CERS6: variants seen among roughly 807,000 people sequenced by gnomAD.
The protein encoded by CERS6 is LAG1 homolog, ceramide synthase 6.
CERS6 carries 26 observed loss-of-function variants against 56.8 expected under a neutral mutation model. The observed-to-expected ratio is 0.46, with a 90% confidence interval of 0.34 to 0.63. CERS6 has a LOEUF of 0.63. CERS6 is among the 30% of genes least tolerant of loss of function. CERS6 has a pLI of 0.01. For missense variants in CERS6, 415 were observed against 467.5 expected, an observed-to-expected ratio of 0.89 and a Z score of 1.04; for synonymous variants, 164 against 173.3, an observed-to-expected ratio of 0.95 and a Z score of 0.42.
intron 3 of CERS6, among the ~76,000 whole-genome samples, chr2:168,598,662 A>G (rs564363969): frequency 7.2e-4 from 109 of 152,200 alleles, no homozygotes; most frequent in Non-Finnish European, 1.1e-3. Flanking sequence ...TTCCCCAACC[A>G]GTACAGAAAG....
intron 1 of CERS6, among the ~76,000 whole-genome samples, chr2:168,463,692 G>C (rs1693818155): frequency 6.6e-6 from 1 of 152,144 alleles, no homozygotes. Flanking sequence ...TGGATTGCTT[G>C]AGCCCAGGAA....
intron 1 of CERS6, among the ~76,000 whole-genome samples, chr2:168,503,747 G>C (rs191312703): frequency 1.1e-4 from 16 of 152,272 alleles, no homozygotes; most frequent in African/African-American, 3.9e-4. Flanking sequence ...TCCTAGAGTG[G>C]GAGGTGAGGT....
In CERS6 at chr2:168,735,895, A is replaced by AAAG. The variant is rs1553514691; in HGVS notation, c.845+17919_845+17920insGAA. Among the ~76,000 whole-genome samples, 465 of 151,008 alleles carry AAAG rather than the reference A, an allele frequency of 3.1e-3. 2 individuals carry two copies. The highest frequency in any genetic ancestry group is 6.2e-3 in the African/African-American group (253 of 41,086). ...GACCCTGTCTCAAAAAAAAAAAAAA[A>AAAG]AAAGAAAGAAAGAAATATTTTTCTA... is the stretch of plus-strand genomic sequence containing the variant. On this transcript the variant is annotated intron_variant, in intron 8 of 9. Coordinates refer to ENST00000305747, the MANE Select transcript of CERS6 (RefSeq NM_203463.3).
intron 3 of CERS6, among the ~76,000 whole-genome samples, chr2:168,622,999 A>T (rs1344181845): frequency 1.3e-5 from 2 of 152,154 alleles, no homozygotes; most frequent in African/African-American, 2.4e-5. Context: ...GACATATGGG[A>T]TGTTTTTGAA....
intron 2 of CERS6, among the ~76,000 whole-genome samples, 199 bp downstream of exon 2, chr2:168,547,900 A>G (rs1410242084): frequency 6.6e-6 from 1 of 152,236 alleles, no homozygotes; most frequent in Non-Finnish European, 1.5e-5. Context: ...GTTTACGCTC[A>G]AGTTGATTTT....
At chr2:168,759,501 G>A (rs566446019) in intron 8 of CERS6, among the ~76,000 whole-genome samples, 1 of 152,234 alleles carries the variant, frequency 6.6e-6, no homozygotes, top group African/African-American at 2.4e-5. Context: ...GTAGAGGTTC[G>A]ATGCTATTAT....
At chr2:168,623,698 A>G (rs1328766857) in intron 3 of CERS6, among the ~76,000 whole-genome samples, 1 of 151,884 alleles carries the variant, frequency 6.6e-6, no homozygotes, top group African/African-American at 2.4e-5. Context: ...AGAACTTTAG[A>G]TGTCAATCTG....
intron 1 of CERS6, among the ~76,000 whole-genome samples, chr2:168,545,113 AT>A (rs1300844491): frequency 6.6e-6 from 1 of 152,092 alleles, no homozygotes; most frequent in Non-Finnish European, 1.5e-5. Context: ...ACATACATGT[AT>A]TTGTAGAAAC....
rs527825801 is a variant in CERS6 at position 168,692,865 on chromosome 2, C to A, written c.516+1781C>A. 2.6e-5 allele frequency among the ~76,000 whole-genome samples: 4 copies of A among 152,174 alleles called. No homozygotes were observed. In the South Asian group the frequency reaches 6.2e-4, roughly 24 times the overall value. ...ATATAGATTCCTGTTCCAAGTCAGT[C>A]TCTAGCCTTAAGGGCACTTTTAAAG... On this transcript the variant is annotated intron_variant, in intron 5 of 9. Transcript: ENST00000305747.
intron 1 of CERS6, among the ~76,000 whole-genome samples, chr2:168,461,042 G>C (rs545628557): frequency 6.6e-6 from 1 of 152,122 alleles, no homozygotes; most frequent in Admixed American, 6.5e-5. Context: ...GGAAAGGAGG[G>C]GAGTGAGTGA....
intron 1 of CERS6, among the ~76,000 whole-genome samples, chr2:168,532,098 G>A (rs1298029504): frequency 6.6e-6 from 1 of 152,056 alleles, no homozygotes; most frequent in Non-Finnish European, 1.5e-5. Context: ...TTGCACCAGA[G>A]GAATTGTTCT....
At chr2:168,659,360 A>G (rs1218120780) in intron 4 of CERS6, among the ~76,000 whole-genome samples, 1 of 152,162 alleles carries the variant, frequency 6.6e-6, no homozygotes, top group Non-Finnish European at 1.5e-5. Flanking sequence ...ACGATTTCCT[A>G]CCCCTAGATT....
intron 1 of CERS6, among the ~76,000 whole-genome samples, chr2:168,532,378 C>G (rs1398554965): frequency 6.6e-6 from 1 of 151,916 alleles, no homozygotes; most frequent in Admixed American, 6.6e-5. Context: ...ATTCTCTTAA[C>G]TATATTTATT....
At position 168,762,998 on chromosome 2, in the gene CERS6, T is replaced by C. The variant is rs534968919; in HGVS notation, c.846-2594T>C. Among the ~76,000 whole-genome samples the C allele has an allele frequency of 1.2e-4, 18 of 152,178 alleles. 1 individual carries two copies. The South Asian group carries it at 3.7e-3, about 32-fold the overall frequency. On this transcript the variant is annotated intron_variant, in intron 8 of 9. Coordinates refer to ENST00000305747, the MANE Select transcript of CERS6 (RefSeq NM_203463.3). ...AAGTGATCCTCCTGCCTCAGCCTTT[T>C]GAGCAGCTGGAACTGCAGGCATGTG...
At chr2:168,742,623 T>C (rs1559076184) in intron 8 of CERS6, among the ~76,000 whole-genome samples, 1 of 152,104 alleles carries the variant, frequency 6.6e-6, no homozygotes, top group East Asian at 1.9e-4. Flanking sequence ...ATATCTAAAA[T>C]GAAATAGACA....
At chr2:168,535,504 C>T (rs751039627) in intron 1 of CERS6, among the ~76,000 whole-genome samples, 4 of 152,020 alleles carry the variant, frequency 2.6e-5, no homozygotes, top group East Asian at 1.9e-4. Context: ...CCTTCCTCTC[C>T]GTGGATCATG....
rs1559033928 is a variant in CERS6, at chr2:168,645,089, T to TAAAAAAA, written c.465+14047_465+14048insAAAAAAA. On this transcript the variant is annotated intron_variant, in intron 4 of 9. Transcript: ENST00000305747. ...CTGGGTGACAGAGCGAGACTGCATC[T>TAAAAAAA]TAAAAAAAAAAAAAAAAAAAAAAAA... Among the ~76,000 whole-genome samples the TAAAAAAA allele has an allele frequency of 3.9e-4, 4 of 10,318 alleles. 2 individuals are homozygous for TAAAAAAA. The highest frequency in any genetic ancestry group is 3.6e-3 in the Admixed American group (2 of 556). 6.8% of individuals were successfully genotyped at this position (10,318 alleles called of 152,430 possible).
chr2:168,532,473 A>T (rs576083635), intron 1 of CERS6, among the ~76,000 whole-genome samples: 7 of 151,950 alleles, frequency 4.6e-5, no homozygotes, highest in Non-Finnish European at 8.8e-5. Context: ...CTTGAATGCC[A>T]TCCTTTTTTT....
chr2:168,635,145 G>T (rs183991178), intron 4 of CERS6, among the ~76,000 whole-genome samples: 40 of 152,292 alleles, frequency 2.6e-4, no homozygotes, highest in African/African-American at 9.4e-4. Flanking sequence ...CCCCACTGAG[G>T]TATAGTGGAG....
Sources: gnomAD v4.1 joint callset for allele counts (sites outside exome capture counted in the v4.1 genomes callset) on GRCh38, gnomAD v4.1.1 for gene constraint, MANE v1.5 for transcripts, NCBI Gene and HGNC (gene_info 2026-07-23, HGNC 2026-07-21) for gene names.